HSPBAP1: variants seen among roughly 807,000 people sequenced by gnomAD.
The protein encoded by HSPBAP1 is HSPB1-associated protein 1.
A neutral mutation model predicts 45.2 loss-of-function variants in HSPBAP1; 27 were observed. The ratio of observed to expected loss-of-function variants is 0.60; its 90% CI spans 0.44 to 0.82. The LOEUF (loss-of-function observed/expected upper bound fraction) is 0.82, where lower values mean the gene tolerates loss of function less well. Ranked by LOEUF, HSPBAP1 falls within the 40% of genes least tolerant of loss-of-function variation. The probability of loss-of-function intolerance (pLI) is 0.00; values close to 1 mark genes in which losing one functional copy is unlikely to be tolerated. For synonymous variants in HSPBAP1, 204 were observed against 202.7 expected (o/e 1.01, Z -0.06); for missense variants, 510 against 590.9 (o/e 0.86, Z 1.42).
rs916445197 is a variant in HSPBAP1 at position 122,783,054 on chromosome 3, G to A, written c.65-5148C>T. ...CATCATTCTAAGTGAGGAGGGCAGC[G>A]TGGATGCTTAGAAGGGAAAGGCAGA... is the stretch of plus-strand genomic sequence containing the variant. On this transcript the variant is annotated intron_variant, in intron 1 of 7. Coordinates refer to ENST00000306103, the MANE Select transcript of HSPBAP1 (RefSeq NM_024610.6). 3.9e-5 allele frequency among the ~76,000 whole-genome samples: 6 copies of A among 152,180 alleles called. No individual in the cohort carries two copies. The East Asian group carries it at 7.7e-4, about 19-fold the overall frequency.
At chr3:122,745,930 T>G (rs1358075951) in intron 6 of HSPBAP1, among the ~76,000 whole-genome samples, 2 of 152,216 alleles carry the variant, frequency 1.3e-5, no homozygotes, top group African/African-American at 2.4e-5. Flanking sequence ...CCACAGTGCA[T>G]AAGTGCTTAG....
In HSPBAP1 at chr3:122,781,203, C is replaced by T. The variant is rs867599149; in HGVS notation, c.65-3297G>A. Among the ~76,000 whole-genome samples, 369 of 151,742 alleles carry T rather than the reference C, an allele frequency of 2.4e-3. 3 individuals are homozygous for T. Among genetic ancestry groups the T allele is most frequent in the African/African-American group, 8.4e-3 (348 of 41,468 alleles). ...CGGCACTTTGGGAGGCCAAGGCAGGCGGCTGGGAGGTGGAGGTTGTAGCGA... is the reference window on the plus strand; with the variant it reads ...CGGCACTTTGGGAGGCCAAGGCAGGTGGCTGGGAGGTGGAGGTTGTAGCGA... On this transcript the variant is annotated intron_variant, in intron 1 of 7. Transcript: ENST00000306103.
At chr3:122,768,647 T>C in intron 3 of HSPBAP1, 54 bp downstream of exon 3, 1 of 1,250,890 alleles carries the variant, frequency 8.0e-7, no homozygotes, top group Non-Finnish European at 1.2e-6. Flanking sequence ...CTAATTTGTG[T>C]TCTTTTCTCA....
chr3:122,741,144 G>A (rs1481918971), intron 6 of HSPBAP1, 31 bp from the exon 7 acceptor site: 1 of 1,467,564 alleles, frequency 6.8e-7, no homozygotes, highest in East Asian at 2.3e-5. Flanking sequence ...TTTAACTTCT[G>A]TTAAGTCTCA....
chr3:122,779,551 G>T (rs141510041), intron 1 of HSPBAP1, among the ~76,000 whole-genome samples: 1 of 140,908 alleles, frequency 7.1e-6, no homozygotes, highest in Admixed American at 7.0e-5. Context: ...GGTGTTTCTC[G>T]CAGAGGGGGA....
rs1300490256 is a variant in HSPBAP1, at chr3:122,793,596, G to C, written c.64+21C>G. 2.5e-6 allele frequency: 4 copies of C among 1,612,212 alleles called. No individual in the cohort carries two copies. In the Middle Eastern group the frequency reaches 5.0e-4, roughly 200 times the overall value. On this transcript the variant is annotated intron_variant, in intron 1 of 7. Coordinates refer to ENST00000306103, the MANE Select transcript of HSPBAP1 (RefSeq NM_024610.6). ...TGGCATTGGGTTTGTACTCAGGGTCGGACCTCAGCCTGGCACCTACCTTCC... is the reference window on the plus strand; with the variant it reads ...TGGCATTGGGTTTGTACTCAGGGTCCGACCTCAGCCTGGCACCTACCTTCC...
At chr3:122,771,781 C>G (rs1480171766) in intron 2 of HSPBAP1, among the ~76,000 whole-genome samples, 1 of 152,180 alleles carries the variant, frequency 6.6e-6, no homozygotes, top group East Asian at 1.9e-4. Flanking sequence ...AACTAAGGAA[C>G]ACATGATATT....
intron 3 of HSPBAP1, chr3:122,762,067 T>C (rs1934611742): frequency 6.6e-6 from 1 of 152,084 alleles, no homozygotes; most frequent in African/African-American, 2.4e-5. Flanking sequence ...AAATCATCTA[T>C]TCTCAGCAAG....
chr3:122,755,149 G>T, intron 5 of HSPBAP1, 111 bp downstream of exon 5: 2 of 1,213,994 alleles, frequency 1.6e-6, no homozygotes, highest in Non-Finnish European at 2.1e-6. Flanking sequence ...AGGGAAGGAA[G>T]CCATTCTCAT....
chr3:122,769,988 C>T (rs998999219), intron 2 of HSPBAP1, among the ~76,000 whole-genome samples: 1 of 152,128 alleles, frequency 6.6e-6, no homozygotes, highest in African/African-American at 2.4e-5. Context: ...CAATGTTAGG[C>T]ACTATTATTA....
chr3:122,779,933 C>A (rs1320406093), intron 1 of HSPBAP1, among the ~76,000 whole-genome samples: 2 of 151,950 alleles, frequency 1.3e-5, no homozygotes, highest in Non-Finnish European at 2.9e-5. Context: ...GGCAACCATC[C>A]GATTTCTCAA....
chr3:122,746,361 C>A (rs914845237), intron 6 of HSPBAP1, among the ~76,000 whole-genome samples: 2 of 145,578 alleles, frequency 1.4e-5, no homozygotes, highest in African/African-American at 5.1e-5. Context: ...AAAACAGAGG[C>A]AAGAATAGCC....
chr3:122,775,447 C>T (rs576642651), intron 2 of HSPBAP1, among the ~76,000 whole-genome samples: 3 of 152,114 alleles, frequency 2.0e-5, no homozygotes, highest in East Asian at 3.8e-4. Context: ...ATAATACTTC[C>T]CATACACTAG....
chr3:122,741,102 G>C lies in HSPBAP1; in HGVS notation c.837C>G (p.His279Gln). The change falls in exon 7 of 8, where the codon CAC becomes CAG. Residue 279 changes from histidine to glutamine, a missense_variant. His to Gln is a conservative substitution (Grantham distance 24). Coordinates refer to ENST00000306103, the MANE Select transcript of HSPBAP1 (RefSeq NM_024610.6). ...INSWIELEED[H>Q]LARVEEAITR... is the part of the protein sequence containing the mutation. ...TGATTGCCTCTTCTACCCGGGCTAG[G>C]TGATCCTCTTCCTGAATTAAAAAAA... is the stretch of plus-strand genomic sequence containing the variant. 6.2e-7 allele frequency: 1 copy of C among 1,613,226 alleles called. No homozygotes were observed.
rs527536505 is a variant in HSPBAP1, at chr3:122,771,250, T to G, written c.251-2368A>C. Among the ~76,000 whole-genome samples the G allele has an allele frequency of 1.4e-4, 22 of 152,386 alleles. No homozygotes were observed. In the South Asian group the frequency reaches 4.6e-3, roughly 32 times the overall value. Reference sequence around the variant, plus strand: ...CTGGTAGTAGCATCATTAAAGGTACTGCTCTGATTTTGTTATAATGACAAT... The same window carrying G: ...CTGGTAGTAGCATCATTAAAGGTACGGCTCTGATTTTGTTATAATGACAAT... On this transcript the variant is annotated intron_variant, in intron 2 of 7. Transcript: ENST00000306103.
Position 122,787,678 on chromosome 3 carries a change from T to A in HSPBAP1, c.64+5939A>T, listed in dbSNP as rs1935696757. On this transcript the variant is annotated intron_variant, in intron 1 of 7. Coordinates refer to ENST00000306103, the MANE Select transcript of HSPBAP1 (RefSeq NM_024610.6). ...TATACATCTAAGTGTATATATGGTGTTTCATCAAACAACTATTGTATATAC... is the reference window on the plus strand; with the variant it reads ...TATACATCTAAGTGTATATATGGTGATTCATCAAACAACTATTGTATATAC... Among the ~76,000 whole-genome samples the A allele has an allele frequency of 2.0e-5, 3 of 152,182 alleles. No homozygotes were observed. In the South Asian group the frequency reaches 6.2e-4, roughly 32 times the overall value.
chr3:122,758,297 T>C (rs774679632), intron 4 of HSPBAP1, among the ~76,000 whole-genome samples: 7 of 152,170 alleles, frequency 4.6e-5, no homozygotes, highest in Non-Finnish European at 8.8e-5. Context: ...TAGACTCTCA[T>C]AGAACTCCAG....
chr3:122,783,466 T>C (rs538308256), intron 1 of HSPBAP1, among the ~76,000 whole-genome samples: 2 of 152,344 alleles, frequency 1.3e-5, no homozygotes, highest in South Asian at 2.1e-4. Flanking sequence ...GTACAAAACG[T>C]CAAATTTCTC....
At chr3:122,746,348 A>T (rs1363506847) in intron 6 of HSPBAP1, among the ~76,000 whole-genome samples, 7 of 151,684 alleles carry the variant, frequency 4.6e-5, no homozygotes, top group African/African-American at 1.5e-4. Context: ...AGAACACATT[A>T]AAAAAACAGA....
Sources: allele counts gnomAD v4.1 joint callset (sites outside exome capture counted in the v4.1 genomes callset), GRCh38; gene constraint gnomAD v4.1.1; transcripts MANE v1.5; gene names NCBI Gene and HGNC (gene_info 2026-07-23, HGNC 2026-07-21).